Variants in MPZL1 observed in about 807,000 individuals in gnomAD.
The protein encoded by MPZL1 is myelin protein zero like 1.
A neutral mutation model predicts 29.3 loss-of-function variants in MPZL1; 16 were observed. The observed-to-expected ratio is 0.55, with a 90% confidence interval of 0.37 to 0.83. The LOEUF (loss-of-function observed/expected upper bound fraction) is 0.83, where lower values mean the gene tolerates loss of function less well. MPZL1 is among the 40% of genes least tolerant of loss of function. The pLI, the probability that MPZL1 is intolerant of heterozygous loss-of-function variation, is 0.00. For missense variants in MPZL1, 279 were observed against 332.9 expected (o/e 0.84, Z 1.26); for synonymous variants, 143 against 132.0 (o/e 1.08, Z -0.57).
At position 167,788,112 on chromosome 1, in the gene MPZL1, A is replaced by G; in HGVS notation, c.*191A>G. 1.9e-6 allele frequency: 1 copy of G among 517,830 alleles called. No homozygotes were observed. The highest frequency in any genetic ancestry group is 3.5e-6 in the Non-Finnish European group (1 of 282,832). 32.1% of individuals were successfully genotyped at this position (517,830 alleles called of 1,614,324 possible). A position where few individuals can be genotyped will look rare whatever the true frequency, so the allele number is the denominator to read the frequency against. On this transcript the variant is annotated 3_prime_UTR_variant, in exon 6 of 6. Coordinates refer to ENST00000359523, the MANE Select transcript of MPZL1 (RefSeq NM_003953.6). ...TCTATTTAGTCATCCTGATATGAGGAGCCAGTGTTGCATGATGAAAAGATG... is the reference window on the plus strand; with the variant it reads ...TCTATTTAGTCATCCTGATATGAGGGGCCAGTGTTGCATGATGAAAAGATG...
chr1:167,760,214 G>A (rs558513696), intron 1 of MPZL1, among the ~76,000 whole-genome samples: 1 of 152,150 alleles, frequency 6.6e-6, no homozygotes, highest in Non-Finnish European at 1.5e-5. Flanking sequence ...GTTTTGTTTT[G>A]TTTTTTGAGA....
At chr1:167,764,742 A>T (rs577299121) in intron 1 of MPZL1, among the ~76,000 whole-genome samples, 2 of 152,348 alleles carry the variant, frequency 1.3e-5, no homozygotes, top group South Asian at 4.1e-4. Flanking sequence ...GCCACCAAGA[A>T]GTCCTTCAGT....
At chr1:167,763,709 A>G (rs1407454190) in intron 1 of MPZL1, among the ~76,000 whole-genome samples, 4 of 152,104 alleles carry the variant, frequency 2.6e-5, no homozygotes, top group East Asian at 1.9e-4. Flanking sequence ...TTTGAACTCA[A>G]GTGCCCTGGG....
intron 5 of MPZL1, 66 bp from the exon 6 acceptor site, chr1:167,787,754 T>A (rs1384438722): frequency 4.2e-6 from 5 of 1,189,912 alleles, no homozygotes; most frequent in Non-Finnish European, 6.3e-6. Context: ...TCATTGCTTC[T>A]ATGCCTGTAG....
intron 4 of MPZL1, among the ~76,000 whole-genome samples, chr1:167,774,251 T>C (rs1661315395): frequency 6.6e-6 from 1 of 152,242 alleles, no homozygotes; most frequent in Non-Finnish European, 1.5e-5. Flanking sequence ...AGAACTCATG[T>C]GGTAAGACTG....
At position 167,722,010 on chromosome 1, in the gene MPZL1, G is replaced by C. The variant is rs561696059; in HGVS notation, c.-142G>C. 5.2e-5 allele frequency: 61 copies of C among 1,164,664 alleles called. No individual in the cohort carries two copies. The highest frequency in any genetic ancestry group is 3.2e-5 in the Non-Finnish European group (30 of 927,404). 72.1% of individuals were successfully genotyped at this position (1,164,664 alleles called of 1,614,324 possible). The stretch of plus-strand genomic sequence containing the variant: ...GAGCTGGAGAGCCGCGGCTGGGACC[G>C]GAGTGGGGAGCGCGGCGTGGAGGTG... On this transcript the variant is annotated 5_prime_UTR_variant, in exon 1 of 6. Coordinates refer to ENST00000359523, the MANE Select transcript of MPZL1 (RefSeq NM_003953.6).
At chr1:167,747,035 A>G (rs550643362) in intron 1 of MPZL1, among the ~76,000 whole-genome samples, 1 of 152,300 alleles carries the variant, frequency 6.6e-6, no homozygotes, top group East Asian at 1.9e-4. Context: ...GAGTTAGAAG[A>G]TCAGTCAGGA....
chr1:167,746,211 A>G (rs1660643126), intron 1 of MPZL1, among the ~76,000 whole-genome samples: 1 of 152,068 alleles, frequency 6.6e-6, no homozygotes, highest in African/African-American at 2.4e-5. Context: ...GAAGGCATTC[A>G]GACTGAGAGA....
At chr1:167,724,978 G>A (rs1265429539) in intron 1 of MPZL1, among the ~76,000 whole-genome samples, 2 of 152,188 alleles carry the variant, frequency 1.3e-5, no homozygotes, top group African/African-American at 4.8e-5. Context: ...ATTGTCAGAT[G>A]AAGAGAGATA....
chr1:167,764,826 T>C (rs1016502637), intron 1 of MPZL1, among the ~76,000 whole-genome samples: 1 of 150,320 alleles, frequency 6.7e-6, no homozygotes, highest in African/African-American at 2.4e-5. Context: ...TGAGATATTA[T>C]GCCACAAAAA....
intron 2 of MPZL1, 122 bp downstream of exon 2, chr1:167,765,871 G>A: frequency 1.1e-6 from 1 of 911,266 alleles, no homozygotes; most frequent in Non-Finnish European, 1.6e-6. Flanking sequence ...ATCTGTTATA[G>A]ACTTCAAGGC....
intron 1 of MPZL1, among the ~76,000 whole-genome samples, chr1:167,756,116 C>A (rs991890090): frequency 6.6e-6 from 1 of 151,792 alleles, no homozygotes; most frequent in African/African-American, 2.4e-5. Flanking sequence ...GAATTGACTC[C>A]GAGAGGGATT....
chr1:167,740,642 A>G (rs1159646751), intron 1 of MPZL1, among the ~76,000 whole-genome samples: 1 of 152,020 alleles, frequency 6.6e-6, no homozygotes. Flanking sequence ...ATGTAATAGC[A>G]TCTTCTCCTG....
intron 5 of MPZL1, chr1:167,787,328 A>G (rs1485661570): frequency 6.5e-6 from 1 of 152,908 alleles, no homozygotes; most frequent in Non-Finnish European, 1.5e-5. Context: ...AACTATACCT[A>G]TTTGTATAAC....
intron 1 of MPZL1, among the ~76,000 whole-genome samples, chr1:167,727,690 A>T (rs1189199526): frequency 6.6e-6 from 1 of 152,070 alleles, no homozygotes. Flanking sequence ...GTCGTTTGAC[A>T]TTAGCAGTGC....
intron 1 of MPZL1, among the ~76,000 whole-genome samples, chr1:167,744,190 G>C (rs1429340847): frequency 6.6e-6 from 1 of 152,024 alleles, no homozygotes; most frequent in Non-Finnish European, 1.5e-5. Context: ...ACTGAGGCAT[G>C]GAGGGCTTTT....
At chr1:167,753,804 ATTTTT>A (rs1255946717) in intron 1 of MPZL1, among the ~76,000 whole-genome samples, 1 of 151,520 alleles carries the variant, frequency 6.6e-6, no homozygotes, top group Non-Finnish European at 1.5e-5. Context: ...TAATTTTCGT[ATTTTT>A]AGTAGAGATG....
In MPZL1 at chr1:167,786,399, TAAC is replaced by T. The variant is rs200823311; in HGVS notation, c.709-1415_709-1413del. ...TAGGTATCATCTTATTTAATTTTCA[TAAC>T]AACAAAAAACAAAAATGTAGATATT... On this transcript the variant is annotated intron_variant, in intron 5 of 5. Coordinates refer to ENST00000359523, the MANE Select transcript of MPZL1 (RefSeq NM_003953.6). Among the ~76,000 whole-genome samples the T allele has an allele frequency of 7.2e-3, 1,092 of 152,310 alleles. 14 individuals carry two copies. Among genetic ancestry groups the T allele is most frequent in the African/African-American group, 0.025 (1,030 of 41,566 alleles).
At chr1:167,768,866 TGGAGATGTTGTGGGAA>T (rs1233723283) in intron 2 of MPZL1, among the ~76,000 whole-genome samples, 2 of 152,112 alleles carry the variant, frequency 1.3e-5, no homozygotes, top group African/African-American at 4.8e-5. Context: ...AGGGAATATG[TGGAGATGTTGTGGGAA>T]GGGAAGGCAG....
Sources: allele counts gnomAD v4.1 joint callset (sites outside exome capture counted in the v4.1 genomes callset), GRCh38; gene constraint gnomAD v4.1.1; transcripts MANE v1.5; gene names NCBI Gene and HGNC (gene_info 2026-07-23, HGNC 2026-07-21).